MSRB3: variants seen among roughly 807,000 people sequenced by gnomAD.
MSRB3 encodes the protein methionine-R-sulfoxide reductase B3.
In MSRB3, 13 loss-of-function variants were observed where a neutral mutation model predicts 21.0. The ratio of observed to expected loss-of-function variants is 0.62; its 90% CI spans 0.40 to 0.98. The LOEUF (loss-of-function observed/expected upper bound fraction) is 0.98, where lower values mean the gene tolerates loss of function less well. Among genes scored for constraint, MSRB3 ranks in the 50% least tolerant of loss-of-function variants. MSRB3 has a pLI of 0.00. For missense variants in MSRB3, 199 were observed against 230.3 expected, an observed-to-expected ratio of 0.86 and a Z score of 0.88; for synonymous variants, 87 against 88.6, an observed-to-expected ratio of 0.98 and a Z score of 0.10.
In MSRB3 at chr12:65,350,651, G is replaced by A. The variant is rs917743252; in HGVS notation, c.264-18347G>A. On this transcript the variant is annotated intron_variant, in intron 4 of 6. Transcript: ENST00000308259. ...GCAAATGGAAAACAAAAAAAGGCAG[G>A]GGTTGCAATCCTAGTCTCTGATAAA... 7.3e-4 allele frequency among the ~76,000 whole-genome samples: 106 copies of A among 145,260 alleles called. 1 individual carries two copies. Among genetic ancestry groups the A allele is most frequent in the Non-Finnish European group, 3.0e-4 (20 of 66,864 alleles).
At chr12:65,364,027 A>T (rs1877861606) in intron 4 of MSRB3, among the ~76,000 whole-genome samples, 1 of 152,088 alleles carries the variant, frequency 6.6e-6, no homozygotes, top group African/African-American at 2.4e-5. Context: ...GGAGATTCAT[A>T]TGGCAGTTGC....
chr12:65,417,119 T>A (rs985783072), intron 5 of MSRB3, among the ~76,000 whole-genome samples: 14 of 152,188 alleles, frequency 9.2e-5, no homozygotes, highest in African/African-American at 4.8e-5. Context: ...TCAAGACACA[T>A]TTGTTCAACT....
chr12:65,342,195 G>A (rs117172511), intron 4 of MSRB3, among the ~76,000 whole-genome samples: 1,974 of 149,972 alleles, frequency 0.013, 19 homozygotes, highest in Non-Finnish European at 0.021. Flanking sequence ...ACACCATAGA[G>A]TATATTATTA....
At chr12:65,341,771 G>A (rs1390639628) in intron 4 of MSRB3, among the ~76,000 whole-genome samples, 1 of 151,838 alleles carries the variant, frequency 6.6e-6, no homozygotes, top group African/African-American at 2.4e-5. Flanking sequence ...GCAATATGTT[G>A]AACAAGTAAC....
Position 65,318,376 on chromosome 12 carries a change from G to A in MSRB3, c.77-8450G>A, listed in dbSNP as rs1204562153. ...GCTCCTTTCCTTCCTTTTTGTGGGT[G>A]GTTACCGCTCATCTCCCTAGCAGTC... On this transcript the variant is annotated intron_variant, in intron 2 of 6. Transcript: ENST00000308259. Among the ~76,000 whole-genome samples the A allele has an allele frequency of 2.0e-5, 3 of 152,254 alleles. No individual in the cohort carries two copies. The East Asian group carries it at 5.8e-4, about 29-fold the overall frequency.
intron 4 of MSRB3, among the ~76,000 whole-genome samples, chr12:65,334,531 CAT>C (rs749836423): frequency 4.0e-4 from 60 of 151,070 alleles, no homozygotes; most frequent in Non-Finnish European, 7.5e-4. Context: ...CAGAAACATG[CAT>C]ACACACACAC....
intron 5 of MSRB3, among the ~76,000 whole-genome samples, chr12:65,395,197 T>C (rs768795344): frequency 7.2e-5 from 11 of 152,338 alleles, no homozygotes; most frequent in Non-Finnish European, 1.2e-4. Flanking sequence ...CTGGGCATGG[T>C]GGCTCACACC....
intron 1 of MSRB3, among the ~76,000 whole-genome samples, chr12:65,281,136 G>A (rs1246257331): frequency 6.6e-6 from 1 of 152,176 alleles, no homozygotes; most frequent in Non-Finnish European, 1.5e-5. Context: ...AGCCAAAGTG[G>A]GAGGATTGCT....
At chr12:65,336,719 A>T (rs373899833) in intron 4 of MSRB3, among the ~76,000 whole-genome samples, 183 of 152,400 alleles carry the variant, frequency 1.2e-3, no homozygotes, top group African/African-American at 4.2e-3. Flanking sequence ...AAGGCAGTTT[A>T]TAAAAAATAA....
At chr12:65,392,223 C>T (rs1441623708) in intron 5 of MSRB3, among the ~76,000 whole-genome samples, 1 of 151,992 alleles carries the variant, frequency 6.6e-6, no homozygotes, top group Non-Finnish European at 1.5e-5. Context: ...TTAAAAGCTC[C>T]CTAGATTATT....
intron 5 of MSRB3, among the ~76,000 whole-genome samples, chr12:65,404,088 T>G (rs111360414): frequency 6.6e-5 from 10 of 152,236 alleles, no homozygotes; most frequent in Admixed American, 6.5e-4. Context: ...TTTTTAGAGA[T>G]AGAGTTTCAC....
At position 65,287,426 on chromosome 12, in the gene MSRB3, T is replaced by A. The variant is rs910173508; in HGVS notation, c.-52+8561T>A. On this transcript the variant is annotated intron_variant, in intron 1 of 6. Coordinates refer to ENST00000308259, the MANE Select transcript of MSRB3 (RefSeq NM_001031679.3). ...TATAGGCATGAGCCTCCACGCCCAGTACATTTCTTTTGTTTTTATTGTGTT... is the reference window on the plus strand; with the variant it reads ...TATAGGCATGAGCCTCCACGCCCAGAACATTTCTTTTGTTTTTATTGTGTT... Among the ~76,000 whole-genome samples the A allele has an allele frequency of 6.6e-5, 10 of 152,150 alleles. 1 individual carries two copies.
At chr12:65,439,127 C>G (rs1882254688) in intron 5 of MSRB3, among the ~76,000 whole-genome samples, 1 of 151,482 alleles carries the variant, frequency 6.6e-6, no homozygotes, top group Non-Finnish European at 1.5e-5. Flanking sequence ...AAACAGAAAG[C>G]AGAAATGGCA....
chr12:65,328,103 T>G (rs768495684), intron 3 of MSRB3, among the ~76,000 whole-genome samples: 1 of 152,224 alleles, frequency 6.6e-6, no homozygotes, highest in Non-Finnish European at 1.5e-5. Context: ...CCCTTAAAGC[T>G]GCAATATTCC....
chr12:65,398,528 T>G (rs186908226), intron 5 of MSRB3, among the ~76,000 whole-genome samples: 1 of 152,228 alleles, frequency 6.6e-6, no homozygotes, highest in African/African-American at 2.4e-5. Context: ...GATGGATAGA[T>G]GGCAAAAATT....
chr12:65,321,299 A>C (rs1874646698), intron 2 of MSRB3, among the ~76,000 whole-genome samples: 1 of 152,062 alleles, frequency 6.6e-6, no homozygotes, highest in African/African-American at 2.4e-5. Flanking sequence ...GCCAGCAGAT[A>C]ATAGGTACTC....
chr12:65,285,871 A>G (rs1350604093), intron 1 of MSRB3: 2 of 152,238 alleles, frequency 1.3e-5, no homozygotes, highest in East Asian at 1.9e-4. Context: ...CTTAGGGTCT[A>G]GTTCCCAGGC....
intron 4 of MSRB3, among the ~76,000 whole-genome samples, chr12:65,336,098 A>T (rs1875746041): frequency 6.6e-6 from 1 of 152,198 alleles, no homozygotes; most frequent in Non-Finnish European, 1.5e-5. Flanking sequence ...AATGATTTAT[A>T]GGAAAAGTAT....
chr12:65,385,775 A>T (rs989608491), intron 5 of MSRB3, among the ~76,000 whole-genome samples: 2 of 151,942 alleles, frequency 1.3e-5, no homozygotes, highest in South Asian at 4.1e-4. Context: ...TACTTCTGCC[A>T]TCTTGTTTCC....
Sources: gnomAD v4.1 joint callset for allele counts (sites outside exome capture counted in the v4.1 genomes callset) on GRCh38, gnomAD v4.1.1 for gene constraint, MANE v1.5 for transcripts, NCBI Gene and HGNC (gene_info 2026-07-23, HGNC 2026-07-21) for gene names.